TBC1D12: variants seen among roughly 807,000 people sequenced by gnomAD.
TBC1D12 encodes the protein TBC1 domain family member 12.
TBC1D12 carries 56 observed loss-of-function variants against 86.7 expected under a neutral mutation model. The observed-to-expected ratio is 0.65, with a 90% confidence interval of 0.52 to 0.81. The LOEUF (loss-of-function observed/expected upper bound fraction) is 0.81. Among genes scored for constraint, TBC1D12 ranks in the 30% least tolerant of loss-of-function variants. TBC1D12 has a pLI of 0.00. For synonymous variants in TBC1D12, 421 were observed against 411.7 expected, an observed-to-expected ratio of 1.02 and a Z score of -0.27; for missense variants, 1,023 against 1,038.8, an observed-to-expected ratio of 0.98 and a Z score of 0.21.
chr10:94,439,045 C>G (rs963105012), intron 1 of TBC1D12, among the ~76,000 whole-genome samples: 1 of 152,038 alleles, frequency 6.6e-6, no homozygotes, highest in African/African-American at 2.4e-5. Context: ...CTCAGGTGAT[C>G]CACCCGCCTC....
intron 3 of TBC1D12, among the ~76,000 whole-genome samples, chr10:94,479,759 A>G (rs1205297218): frequency 1.3e-5 from 2 of 152,220 alleles, no homozygotes; most frequent in East Asian, 3.8e-4. Context: ...CCTTTAGAGC[A>G]CCATCATTGA....
intron 4 of TBC1D12, among the ~76,000 whole-genome samples, chr10:94,494,482 A>G (rs1437645756): frequency 6.6e-6 from 1 of 152,172 alleles, no homozygotes; most frequent in Non-Finnish European, 1.5e-5. Flanking sequence ...AGTTGAGTGT[A>G]TTTTACTATA....
intron 2 of TBC1D12, among the ~76,000 whole-genome samples, chr10:94,450,006 C>G (rs2055525702): frequency 6.6e-6 from 1 of 152,136 alleles, no homozygotes; most frequent in South Asian, 2.1e-4. Context: ...CAATGTGTGA[C>G]CTGATATTAG....
chr10:94,416,382 A>G (rs577384477), intron 1 of TBC1D12, among the ~76,000 whole-genome samples: 2 of 152,298 alleles, frequency 1.3e-5, no homozygotes, highest in East Asian at 1.9e-4. Context: ...TATTGAGGGT[A>G]TTAGTTGTTA....
chr10:94,409,929 C>T (rs546553516), intron 1 of TBC1D12, among the ~76,000 whole-genome samples: 9 of 152,164 alleles, frequency 5.9e-5, no homozygotes, highest in Non-Finnish European at 1.2e-4. Flanking sequence ...GTACATTTGT[C>T]ACAACTAAGG....
chr10:94,427,428 T>A (rs2055161010), intron 1 of TBC1D12, among the ~76,000 whole-genome samples: 1 of 152,266 alleles, frequency 6.6e-6, no homozygotes, highest in African/African-American at 2.4e-5. Context: ...TTATAAAACA[T>A]GTCATGCATG....
At chr10:94,497,223 GT>G (rs1245394762) in intron 5 of TBC1D12, 51 bp downstream of exon 5, 3 of 1,021,404 alleles carry the variant, frequency 2.9e-6, no homozygotes, top group Non-Finnish European at 4.2e-6. Context: ...AAGATCTCAT[GT>G]TTCTTTTTTT....
intron 2 of TBC1D12, among the ~76,000 whole-genome samples, chr10:94,461,363 A>C (rs983881605): frequency 1.3e-5 from 2 of 151,978 alleles, no homozygotes; most frequent in Middle Eastern, 3.2e-3. Context: ...GGAGTTGTGT[A>C]TTTCCCTTCC....
chr10:94,496,065 T>C (rs151229571), intron 4 of TBC1D12, among the ~76,000 whole-genome samples: 87 of 152,054 alleles, frequency 5.7e-4, no homozygotes, highest in East Asian at 5.0e-3. Flanking sequence ...ATCGCACCAC[T>C]GCACTGCAGC....
At chr10:94,454,685 C>T (rs778699418) in intron 2 of TBC1D12, among the ~76,000 whole-genome samples, 1 of 152,040 alleles carries the variant, frequency 6.6e-6, no homozygotes, top group Non-Finnish European at 1.5e-5. Flanking sequence ...TTTACTTGTT[C>T]ATTGCTGTTA....
intron 2 of TBC1D12, among the ~76,000 whole-genome samples, chr10:94,463,210 A>G (rs1363603033): frequency 6.6e-6 from 1 of 152,220 alleles, no homozygotes; most frequent in Non-Finnish European, 1.5e-5. Flanking sequence ...AATGATTAAT[A>G]TGGATGGTCA....
chr10:94,456,658 G>A (rs2055631358), intron 2 of TBC1D12, among the ~76,000 whole-genome samples: 1 of 152,158 alleles, frequency 6.6e-6, no homozygotes, highest in Non-Finnish European at 1.5e-5. Flanking sequence ...GTTGGATGCG[G>A]TAGTCTACAG....
chr10:94,415,975 A>G (rs56104261), intron 1 of TBC1D12, among the ~76,000 whole-genome samples: 3,331 of 152,304 alleles, frequency 0.022, 125 homozygotes, highest in African/African-American at 0.074. Flanking sequence ...TAACCACTAT[A>G]AAATTTTCTT....
At position 94,534,943 on chromosome 10, in the gene TBC1D12, A is replaced by T. The variant is rs1842515469; in HGVS notation, c.*1847A>T. The stretch of plus-strand genomic sequence containing the variant: ...GTAAATTGGGGAAAATGCTGCTTTT[A>T]CTATTTTGCATTTTATAGCAACATT... On this transcript the variant is annotated 3_prime_UTR_variant, in exon 13 of 13. Coordinates refer to ENST00000225235, the MANE Select transcript of TBC1D12 (RefSeq NM_015188.2). 2.0e-5 allele frequency: 3 copies of T among 152,154 alleles called. No homozygotes were observed. The highest frequency in any genetic ancestry group is 2.0e-4 in the Admixed American group (3 of 15,266). The allele number at this position is 152,154 out of a possible 1,614,324, so 9.4% of individuals were successfully genotyped here.
chr10:94,498,164 C>A (rs549694589), intron 5 of TBC1D12, among the ~76,000 whole-genome samples: 1 of 151,894 alleles, frequency 6.6e-6, no homozygotes, highest in Admixed American at 6.6e-5. Flanking sequence ...AATTGTAAGA[C>A]GCACTATTGA....
At chr10:94,452,078 A>C in intron 2 of TBC1D12, among the ~76,000 whole-genome samples, 1 of 150,184 alleles carries the variant, frequency 6.7e-6, no homozygotes, top group East Asian at 1.9e-4. Flanking sequence ...AAATGCATAT[A>C]TATTTAAATA....
chr10:94,525,314 TTAAAGA>T (rs1215276133), intron 11 of TBC1D12, among the ~76,000 whole-genome samples: 5 of 152,058 alleles, frequency 3.3e-5, no homozygotes, highest in Non-Finnish European at 7.4e-5. Context: ...TAAACATTTT[TTAAAGA>T]AAATATAATG....
intron 3 of TBC1D12, among the ~76,000 whole-genome samples, chr10:94,485,931 T>G (rs1047343920): frequency 2.6e-5 from 4 of 152,138 alleles, no homozygotes; most frequent in African/African-American, 9.7e-5. Context: ...CAAACGATCC[T>G]TTGAATTTGT....
intron 6 of TBC1D12, among the ~76,000 whole-genome samples, chr10:94,502,526 G>A (rs2056411605): frequency 6.6e-6 from 1 of 151,880 alleles, no homozygotes; most frequent in East Asian, 1.9e-4. Context: ...GCAACATAGC[G>A]AGACCCCGTC....
Sources: gnomAD v4.1 joint callset for allele counts (sites outside exome capture counted in the v4.1 genomes callset) on GRCh38, gnomAD v4.1.1 for gene constraint, MANE v1.5 for transcripts, NCBI Gene and HGNC (gene_info 2026-07-23, HGNC 2026-07-21) for gene names.